The following TMEM177 variants were observed in gnomAD, a reference collection of about 807,000 sequenced individuals.
TMEM177 encodes transmembrane protein 177.
Under a neutral mutation model 14.2 loss-of-function variants are expected in TMEM177, and 4 were observed. The observed-to-expected ratio is 0.28, with a 90% CI of 0.14 to 0.64. The LOEUF is 0.64. Among genes scored for constraint, TMEM177 ranks in the 30% least tolerant of loss-of-function variants. TMEM177 has a pLI of 0.82. For synonymous variants in TMEM177, 179 were observed against 174.5 expected, an observed-to-expected ratio of 1.03 and a Z score of -0.20; for missense variants, 344 against 405.2, an observed-to-expected ratio of 0.85 and a Z score of 1.30.
the TMEM177 span, among the ~76,000 whole-genome samples, chr2:119,705,619 C>CATGTGTGT: frequency 6.5e-5 from 9 of 139,160 alleles, no homozygotes; most frequent in African/African-American, 1.1e-4. Flanking sequence ...CACTCAGATC[C>CATGTGTGT]GTGTGTGTGT....
At chr2:119,689,054 C>G (rs925254958), downstream of TMEM177, among the ~76,000 whole-genome samples, 1 of 152,182 alleles carries the variant, frequency 6.6e-6, no homozygotes, top group Admixed American at 6.5e-5. Flanking sequence ...TGAGGCCCAT[C>G]CTCCCCACTC....
At chr2:119,708,061 C>T in the TMEM177 span, among the ~76,000 whole-genome samples, 1 of 152,210 alleles carries the variant, frequency 6.6e-6, no homozygotes. Context: ...GCCTTGCCCC[C>T]CAGCCCAGGG....
chr2:119,697,027 A>G, the TMEM177 span, among the ~76,000 whole-genome samples: 3 of 152,222 alleles, frequency 2.0e-5, no homozygotes, highest in Admixed American at 2.0e-4. Context: ...AAATTCTCAC[A>G]TGGCCAGACA....
Position 119,680,743 on chromosome 2 carries a change from G to T in TMEM177, c.-22-89G>T, listed in dbSNP as rs1574266403. ...CTTCACCACTATGCTGTGTTACTTT[G>T]GTTTAAAAAGGTGGTGTGGACCCTG... On this transcript the variant is annotated intron_variant, in intron 1 of 1. Transcript: ENST00000272521. The T allele has an allele frequency of 1.0e-5, 10 of 979,588 alleles. No homozygotes were observed. The East Asian group carries it at 2.4e-4, about 23-fold the overall frequency. The allele number at this position is 979,588 out of a possible 1,614,324, so 60.7% of individuals were successfully genotyped here.
At position 119,681,013 on chromosome 2, in the gene TMEM177, C is replaced by T; in HGVS notation, c.160C>T (p.Pro54Ser). Residue 54 changes from proline (P) to serine (S), a missense_variant, in exon 2 of 2, where the codon CCA becomes TCA. By Grantham distance (74) the Pro-to-Ser change is moderately conservative (BLOSUM62 -1). Coordinates refer to ENST00000272521, the MANE Select transcript of TMEM177 (RefSeq NM_030577.3). ...CTACCAGTACTGGCCTCAGGGCCAG[C>T]CAGCTCCGCTCCCTCCACAGCTGCA... ...WLYQYWPQGQ[P>S]APLPPQLQSL... 1 of 1,614,240 alleles carries T rather than the reference C, an allele frequency of 6.2e-7. No individual in the cohort carries two copies. The highest frequency in any genetic ancestry group is 8.5e-7 in the Non-Finnish European group (1 of 1,180,048).
At chr2:119,690,862 C>T (rs11123531), downstream of TMEM177, among the ~76,000 whole-genome samples, 129,259 of 152,232 alleles carry the variant, frequency 0.85, 57,213 homozygotes, top group South Asian at 0.97. Flanking sequence ...CTGAAATCAA[C>T]GTCAGTGTTG....
chr2:119,694,484 T>C, the TMEM177 span, among the ~76,000 whole-genome samples: 1 of 152,226 alleles, frequency 6.6e-6, no homozygotes, highest in East Asian at 1.9e-4. Context: ...TAGTAGGGCC[T>C]TAGGGCCCCT....
At chr2:119,722,614 A>G in the TMEM177 span, among the ~76,000 whole-genome samples, 1 of 152,250 alleles carries the variant, frequency 6.6e-6, no homozygotes, top group East Asian at 1.9e-4. Flanking sequence ...ATGAAAATGC[A>G]TGGTGTCTGA....
At chr2:119,690,365 C>G (rs1689075925), downstream of TMEM177, among the ~76,000 whole-genome samples, 1 of 152,180 alleles carries the variant, frequency 6.6e-6, no homozygotes. Flanking sequence ...TCCTGTACAG[C>G]CTGTGGAACC....
downstream of TMEM177, among the ~76,000 whole-genome samples, chr2:119,689,790 A>G (rs1689067360): frequency 6.6e-6 from 1 of 152,222 alleles, no homozygotes; most frequent in Non-Finnish European, 1.5e-5. Flanking sequence ...CAACCAAGAG[A>G]TTGAAACCAC....
At chr2:119,711,978 G>C in the TMEM177 span, among the ~76,000 whole-genome samples, 15 of 152,118 alleles carry the variant, frequency 9.9e-5, no homozygotes, top group African/African-American at 2.9e-4. Flanking sequence ...GGCAGCTCCG[G>C]CAGCAGAATT....
chr2:119,694,420 C>G, the TMEM177 span, among the ~76,000 whole-genome samples: 1 of 152,216 alleles, frequency 6.6e-6, no homozygotes, highest in Non-Finnish European at 1.5e-5. Context: ...TCACTGCCCC[C>G]ACCAGATTCT....
At chr2:119,705,438 C>G in the TMEM177 span, among the ~76,000 whole-genome samples, 1 of 152,176 alleles carries the variant, frequency 6.6e-6, no homozygotes, top group Non-Finnish European at 1.5e-5. Context: ...TTGGCAGAAT[C>G]TGTCGCCTTA....
At chr2:119,719,530 A>G in the TMEM177 span, among the ~76,000 whole-genome samples, 5 of 152,190 alleles carry the variant, frequency 3.3e-5, no homozygotes, top group African/African-American at 1.2e-4. Flanking sequence ...CTAGTGAGGA[A>G]AGTCTGCTGG....
chr2:119,693,299 G>A, the TMEM177 span, among the ~76,000 whole-genome samples: 6 of 152,184 alleles, frequency 3.9e-5, no homozygotes, highest in African/African-American at 1.2e-4. Context: ...TGGGTTTGAC[G>A]CAGTAGCACA....
At chr2:119,717,670 G>A in the TMEM177 span, among the ~76,000 whole-genome samples, 9 of 140,838 alleles carry the variant, frequency 6.4e-5, no homozygotes, top group South Asian at 4.9e-4. Context: ...GTGCAGTGGC[G>A]CAATCTTGGC....
chr2:119,704,982 C>T, the TMEM177 span, among the ~76,000 whole-genome samples: 1 of 152,130 alleles, frequency 6.6e-6, no homozygotes, highest in African/African-American at 2.4e-5. Flanking sequence ...AAAGTTGCGG[C>T]TCTGGCTAAA....
the TMEM177 span, among the ~76,000 whole-genome samples, chr2:119,717,411 G>T: frequency 1.3e-5 from 2 of 152,062 alleles, no homozygotes; most frequent in South Asian, 2.1e-4. Flanking sequence ...GTGAGTGTGG[G>T]GCCCCATATG....
At chr2:119,695,673 A>G in the TMEM177 span, among the ~76,000 whole-genome samples, 4 of 152,250 alleles carry the variant, frequency 2.6e-5, no homozygotes, top group Non-Finnish European at 5.9e-5. Context: ...GGCTCTGGGG[A>G]AAAGTCCAGA....
Sources: allele counts gnomAD v4.1 joint callset (sites outside exome capture counted in the v4.1 genomes callset), GRCh38; gene constraint gnomAD v4.1.1; transcripts MANE v1.5; gene names NCBI Gene and HGNC (gene_info 2026-07-23, HGNC 2026-07-21).